Variants in XRRA1 observed in about 807,000 individuals in gnomAD.
The protein encoded by XRRA1 is X-ray radiation resistance-associated protein 1.
XRRA1 carries 69 observed loss-of-function variants against 80.2 expected under a neutral mutation model. That is an observed-to-expected ratio of 0.86 (90% CI 0.71 to 1.05). The LOEUF is 1.05. Among genes scored for constraint, XRRA1 ranks in the 50% least tolerant of loss-of-function variants. The pLI, the probability that XRRA1 is intolerant of heterozygous loss-of-function variation, is 0.00. For missense variants in XRRA1, 967 were observed against 976.4 expected, an observed-to-expected ratio of 0.99 and a Z score of 0.13; for synonymous variants, 348 against 389.9, an observed-to-expected ratio of 0.89 and a Z score of 1.27.
chr11:74,859,079 T>A, intron 12 of XRRA1, 79 bp downstream of exon 12: 1 of 1,460,078 alleles, frequency 6.8e-7, no homozygotes, highest in Non-Finnish European at 9.0e-7. Context: ...AATGGAGGGT[T>A]GGTTTTTAGG....
At chr11:74,881,467 A>T (rs1339496827) in intron 10 of XRRA1, among the ~76,000 whole-genome samples, 1 of 148,886 alleles carries the variant, frequency 6.7e-6, no homozygotes, top group African/African-American at 2.5e-5. Context: ...ATTTACATTT[A>T]AAGTTAATAT....
intron 15 of XRRA1, 67 bp from the exon 16 acceptor site, chr11:74,845,338 G>A (rs1279515599): frequency 1.1e-5 from 16 of 1,501,230 alleles, no homozygotes; most frequent in Non-Finnish European, 1.4e-5. Flanking sequence ...AACATTCGGA[G>A]TATCATCTCT....
At chr11:74,891,357 T>C (rs1167092230) in intron 10 of XRRA1, among the ~76,000 whole-genome samples, 2 of 152,204 alleles carry the variant, frequency 1.3e-5, no homozygotes, top group Non-Finnish European at 1.5e-5. Flanking sequence ...TCAACAGCCC[T>C]TCATGCTAAA....
intron 10 of XRRA1, among the ~76,000 whole-genome samples, chr11:74,886,584 A>G (rs1207129000): frequency 6.6e-6 from 1 of 152,160 alleles, no homozygotes; most frequent in Non-Finnish European, 1.5e-5. Flanking sequence ...ACAAATGGAA[A>G]AACATTCCAT....
intron 2 of XRRA1, 35 bp from the exon 3 acceptor site, chr11:74,940,917 G>A (rs2139911309): frequency 6.6e-7 from 1 of 1,523,644 alleles, no homozygotes; most frequent in Non-Finnish European, 9.0e-7. Flanking sequence ...GGAAGCAGAA[G>A]AGTGAAAAGG....
At chr11:74,847,278 G>A (rs988762985) in intron 15 of XRRA1, among the ~76,000 whole-genome samples, 4 of 152,184 alleles carry the variant, frequency 2.6e-5, no homozygotes, top group Admixed American at 2.6e-4. Context: ...ATGGATAGAT[G>A]TACATCCTGG....
intron 18 of XRRA1, 46 bp from the exon 19 acceptor site, chr11:74,843,499 T>C: frequency 6.3e-7 from 1 of 1,584,312 alleles, no homozygotes; most frequent in Non-Finnish European, 8.6e-7. Flanking sequence ...ATCCTGGTTC[T>C]CACCTAGCCA....
chr11:74,859,777 G>GT (rs2041941573), intron 11 of XRRA1, among the ~76,000 whole-genome samples: 1 of 152,138 alleles, frequency 6.6e-6, no homozygotes, highest in Admixed American at 6.5e-5. Flanking sequence ...ACATCCTCGA[G>GT]TGGAGGGTCT....
chr11:74,904,738 T>C (rs534859221), intron 10 of XRRA1, among the ~76,000 whole-genome samples: 84 of 151,988 alleles, frequency 5.5e-4, no homozygotes, highest in Non-Finnish European at 9.6e-4. Context: ...TTTTAAGATA[T>C]CCTAAAATAA....
chr11:74,861,692 C>T (rs1419773809), intron 11 of XRRA1, among the ~76,000 whole-genome samples: 3 of 152,224 alleles, frequency 2.0e-5, no homozygotes, highest in African/African-American at 4.8e-5. Flanking sequence ...GAAAAATTGT[C>T]TTCCACAAAA....
At chr11:74,883,797 A>AG (rs896523697) in intron 10 of XRRA1, among the ~76,000 whole-genome samples, 13 of 152,136 alleles carry the variant, frequency 8.5e-5, no homozygotes, top group Non-Finnish European at 1.3e-4. Context: ...TCCACTCCTC[A>AG]GGGGGGAAAT....
At chr11:74,946,573 C>G (rs1947572146) in intron 1 of XRRA1, among the ~76,000 whole-genome samples, 1 of 152,120 alleles carries the variant, frequency 6.6e-6, no homozygotes, top group Non-Finnish European at 1.5e-5. Context: ...TCAATTAAAC[C>G]TCTTTCCTTT....
In XRRA1 at chr11:74,848,391, C is replaced by G. The variant is rs778816192; in HGVS notation, c.1452G>C (p.Lys484Asn). The change falls in exon 15 of 19, where the codon AAG becomes AAC. Residue 484 changes from lysine (K) to asparagine (N), a missense_variant. By Grantham distance (94) the Lys-to-Asn change is moderately conservative. Transcript: ENST00000684022. ...GCTCTAGCATATCCTTTGAGGGAGACTTGGTTGTCGTCATGCGCGGGTGAT... is the reference window on the plus strand; with the variant it reads ...GCTCTAGCATATCCTTTGAGGGAGAGTTGGTTGTCGTCATGCGCGGGTGAT... ...VLHHPRMTTT[K>N]SPSKDMLEPE... 1 of 1,613,942 alleles carries G rather than the reference C, an allele frequency of 6.2e-7. No homozygotes were observed. The highest frequency in any genetic ancestry group is 1.1e-5 in the South Asian group (1 of 91,070).
intron 1 of XRRA1, among the ~76,000 whole-genome samples, chr11:74,945,370 G>A (rs947697707): frequency 1.6e-4 from 25 of 152,238 alleles, no homozygotes; most frequent in Admixed American, 6.5e-4. Context: ...GGACGGGATC[G>A]TTTACATGAT....
intron 10 of XRRA1, chr11:74,876,705 C>G (rs969642777): frequency 6.6e-6 from 1 of 152,122 alleles, no homozygotes; most frequent in South Asian, 2.1e-4. Flanking sequence ...GAGAGAGCAA[C>G]CCCAGACAGC....
intron 8 of XRRA1, among the ~76,000 whole-genome samples, chr11:74,910,994 A>G (rs946632557): frequency 6.6e-6 from 1 of 152,142 alleles, no homozygotes; most frequent in Non-Finnish European, 1.5e-5. Flanking sequence ...AGGAGGGCTT[A>G]ATGGCATGGG....
chr11:74,860,221 T>C (rs901781032), intron 11 of XRRA1, among the ~76,000 whole-genome samples: 5 of 152,166 alleles, frequency 3.3e-5, no homozygotes, highest in African/African-American at 1.2e-4. Flanking sequence ...AGGTCAGTCA[T>C]GGGTGAGCAT....
At chr11:74,907,086 G>T in intron 9 of XRRA1, 59 bp downstream of exon 9, 1 of 1,606,832 alleles carries the variant, frequency 6.2e-7, no homozygotes, top group Non-Finnish European at 8.5e-7. Flanking sequence ...ACAGCACTCA[G>T]AGTGTGAGCA....
intron 10 of XRRA1, among the ~76,000 whole-genome samples, chr11:74,883,093 G>C (rs1006537333): frequency 2.0e-5 from 3 of 152,344 alleles, no homozygotes; most frequent in Non-Finnish European, 2.9e-5. Flanking sequence ...GGCAATGGCG[G>C]GCGCCCCTCC....
Sources: allele counts gnomAD v4.1 joint callset (sites outside exome capture counted in the v4.1 genomes callset), GRCh38; gene constraint gnomAD v4.1.1; transcripts MANE v1.5; gene names NCBI Gene and HGNC (gene_info 2026-07-23, HGNC 2026-07-21).